DPP6: variants seen among roughly 807,000 people sequenced by gnomAD.
DPP6 encodes the protein A-type potassium channel modulatory protein DPP6.
Under a neutral mutation model 122.6 loss-of-function variants are expected in DPP6, and 69 were observed. The observed-to-expected ratio is 0.56, with a 90% CI of 0.46 to 0.69. The LOEUF is 0.69. DPP6 is among the 30% of genes least tolerant of loss of function. The pLI is 0.00. For synonymous variants in DPP6, 418 were observed against 433.1 expected (o/e 0.97, Z 0.43); for missense variants, 928 against 1,116.9 (o/e 0.83, Z 2.41).
chr7:153,918,987 A>AAAG (rs1261637928), intron 1 of DPP6, among the ~76,000 whole-genome samples: 3 of 151,434 alleles, frequency 2.0e-5, no homozygotes, highest in Non-Finnish European at 4.4e-5. Flanking sequence ...TCAAAAAAAA[A>AAAG]AAAAAAAAAA....
the DPP6 span, among the ~76,000 whole-genome samples, chr7:153,843,301 TCTTA>T: frequency 4.0e-5 from 6 of 151,424 alleles, no homozygotes; most frequent in African/African-American, 1.2e-4. Context: ...CACACACACT[TCTTA>T]CTTCTCTATA....
intron 7 of DPP6, among the ~76,000 whole-genome samples, chr7:154,670,301 C>T (rs1454550171): frequency 3.3e-5 from 5 of 152,190 alleles, no homozygotes; most frequent in Non-Finnish European, 1.5e-5. Context: ...CTCAAATTGG[C>T]AAAACTGCTG....
chr7:154,073,385 T>C (rs1265712463), intron 1 of DPP6, among the ~76,000 whole-genome samples: 8 of 152,254 alleles, frequency 5.3e-5, no homozygotes, highest in Admixed American at 5.2e-4. Context: ...TTTCCAAGCC[T>C]GCGCTTCCTC....
At chr7:154,780,266 T>C (rs1461125465) in intron 10 of DPP6, among the ~76,000 whole-genome samples, 1 of 152,234 alleles carries the variant, frequency 6.6e-6, no homozygotes, top group Non-Finnish European at 1.5e-5. Flanking sequence ...CTGTTGATCA[T>C]GGGATCATTA....
chr7:154,321,950 C>A (rs889510572), intron 1 of DPP6, among the ~76,000 whole-genome samples: 6 of 152,088 alleles, frequency 3.9e-5, no homozygotes, highest in Admixed American at 2.6e-4. Flanking sequence ...AAAACCCCCG[C>A]CAGCGAAGGG....
At chr7:154,464,242 C>T (rs908066625) in intron 2 of DPP6, among the ~76,000 whole-genome samples, 1 of 152,164 alleles carries the variant, frequency 6.6e-6, no homozygotes, top group African/African-American at 2.4e-5. Context: ...CAAAGCAACA[C>T]TGAGTTTCAA....
At chr7:154,704,826 G>A (rs970662372) in intron 7 of DPP6, among the ~76,000 whole-genome samples, 7 of 152,114 alleles carry the variant, frequency 4.6e-5, no homozygotes, top group African/African-American at 1.7e-4. Flanking sequence ...TCCCTTTATT[G>A]TGATATTCAC....
chr7:154,229,101 C>A (rs1019081506), intron 1 of DPP6, among the ~76,000 whole-genome samples: 1 of 152,092 alleles, frequency 6.6e-6, no homozygotes, highest in Non-Finnish European at 1.5e-5. Flanking sequence ...AAAGCTTTGG[C>A]TCTCTCATAA....
intron 10 of DPP6, among the ~76,000 whole-genome samples, chr7:154,776,368 A>G (rs1202871929): frequency 6.6e-6 from 1 of 152,104 alleles, no homozygotes; most frequent in Non-Finnish European, 1.5e-5. Context: ...CCCTCTGCCC[A>G]GAGAGCTCCT....
Position 154,352,349 on chromosome 7 carries a change from G to C in DPP6, c.244-93865G>C, listed in dbSNP as rs1394968534. Among the ~76,000 whole-genome samples, 4 of 152,062 alleles carry C rather than the reference G, an allele frequency of 2.6e-5. No homozygotes were observed. The East Asian group carries it at 7.8e-4, about 30-fold the overall frequency. ...GTGGTGGTGGGCGCCTGTGGTCCCA[G>C]CTACTCAGGAGGCTGAGGCAGGAGA... On this transcript the variant is annotated intron_variant, in intron 1 of 25. Transcript: ENST00000377770.
At chr7:154,163,141 C>A (rs1464687812) in intron 1 of DPP6, among the ~76,000 whole-genome samples, 1 of 151,938 alleles carries the variant, frequency 6.6e-6, no homozygotes, top group Non-Finnish European at 1.5e-5. Context: ...AACTTGACAC[C>A]CAGAATTTAT....
chr7:154,592,773 T>C (rs1368382862), intron 5 of DPP6, among the ~76,000 whole-genome samples: 6 of 152,112 alleles, frequency 3.9e-5, no homozygotes, highest in Admixed American at 3.9e-4. Context: ...AACGGAGTGA[T>C]GTTTGAACAT....
chr7:154,705,976 G>A (rs1840807911), intron 7 of DPP6, among the ~76,000 whole-genome samples: 1 of 152,144 alleles, frequency 6.6e-6, no homozygotes, highest in African/African-American at 2.4e-5. Flanking sequence ...TCCCCATCTG[G>A]CCCATCCTGC....
chr7:154,619,897 C>G (rs770228404), intron 5 of DPP6, among the ~76,000 whole-genome samples: 2 of 152,146 alleles, frequency 1.3e-5, no homozygotes, highest in African/African-American at 2.4e-5. Flanking sequence ...GGTTTGCAAA[C>G]CAGGTACCTA....
intron 1 of DPP6, among the ~76,000 whole-genome samples, chr7:154,217,741 CAG>C (rs1313260166): frequency 1.3e-5 from 2 of 152,164 alleles, no homozygotes; most frequent in African/African-American, 2.4e-5. Flanking sequence ...CTCACTCTGA[CAG>C]GGGCACAGTG....
At chr7:154,796,002 AG>A in intron 12 of DPP6, 119 bp downstream of exon 12, 1 of 1,429,154 alleles carries the variant, frequency 7.0e-7, no homozygotes, top group Admixed American at 2.8e-5. Flanking sequence ...AGGGCTCCCC[AG>A]GCAGAAACAG....
intron 8 of DPP6, among the ~76,000 whole-genome samples, chr7:154,759,488 T>C (rs1795387375): frequency 6.6e-6 from 1 of 152,208 alleles, no homozygotes. Flanking sequence ...CGGGCTGGAC[T>C]CTCGAGGCCA....
intron 17 of DPP6, among the ~76,000 whole-genome samples, chr7:154,854,702 T>G (rs1434274865): frequency 6.6e-6 from 1 of 152,148 alleles, no homozygotes; most frequent in African/African-American, 2.4e-5. Flanking sequence ...CCAGGGTCAC[T>G]AGAGGTGGCA....
chr7:154,750,970 G>A (rs1228702519), intron 8 of DPP6, among the ~76,000 whole-genome samples: 1 of 152,194 alleles, frequency 6.6e-6, no homozygotes, highest in Non-Finnish European at 1.5e-5. Flanking sequence ...AGATTTCAGA[G>A]CAAAACTATC....
Sources: allele counts gnomAD v4.1 joint callset (sites outside exome capture counted in the v4.1 genomes callset), GRCh38; gene constraint gnomAD v4.1.1; transcripts MANE v1.5; gene names NCBI Gene and HGNC (gene_info 2026-07-23, HGNC 2026-07-21).